The following SYT14 variants were observed in gnomAD, a reference collection of about 807,000 sequenced individuals.
SYT14 encodes the protein synaptotagmin-14.
Under a neutral mutation model 74.2 loss-of-function variants are expected in SYT14, and 32 were observed. The ratio of observed to expected loss-of-function variants is 0.43; its 90% confidence interval spans 0.33 to 0.58. The LOEUF (loss-of-function observed/expected upper bound fraction) is 0.58, where lower values mean the gene tolerates loss of function less well. SYT14 is among the 20% of genes least tolerant of loss of function. The probability of loss-of-function intolerance (pLI) is 0.05; values close to 1 mark genes in which losing one functional copy is unlikely to be tolerated. For missense variants in SYT14, 791 were observed against 981.8 expected (o/e 0.81, Z 2.60); for synonymous variants, 298 against 337.7 (o/e 0.88, Z 1.29).
intron 2 of SYT14, among the ~76,000 whole-genome samples, chr1:209,961,792 T>C (rs534687707): frequency 1.3e-5 from 2 of 152,250 alleles, no homozygotes; most frequent in African/African-American, 4.8e-5. Context: ...ATTCTTTCAG[T>C]GGTTTGACAC....
chr1:210,150,730 C>T (rs1180006813), intron 7 of SYT14, among the ~76,000 whole-genome samples: 1 of 152,098 alleles, frequency 6.6e-6, no homozygotes, highest in Non-Finnish European at 1.5e-5. Context: ...TGCACAGACA[C>T]TATTCAATAG....
intron 2 of SYT14, among the ~76,000 whole-genome samples, chr1:209,996,046 A>G (rs993112329): frequency 6.6e-6 from 1 of 152,134 alleles, no homozygotes; most frequent in Non-Finnish European, 1.5e-5. Context: ...CAAATGAGCA[A>G]TCTACCCTTG....
chr1:210,006,705 G>A (rs1422799464), intron 2 of SYT14, among the ~76,000 whole-genome samples: 1 of 151,540 alleles, frequency 6.6e-6, no homozygotes, highest in Non-Finnish European at 1.5e-5. Context: ...TAAAGCATAG[G>A]TACTTTTTGT....
chr1:210,035,093 A>G (rs1360410496), intron 5 of SYT14, among the ~76,000 whole-genome samples: 1 of 151,874 alleles, frequency 6.6e-6, no homozygotes, highest in African/African-American at 2.4e-5. Context: ...ATTCTCACCA[A>G]CAGTATATAA....
At chr1:210,015,242 T>G (rs190181567) in intron 3 of SYT14, among the ~76,000 whole-genome samples, 2 of 152,272 alleles carry the variant, frequency 1.3e-5, no homozygotes, top group East Asian at 3.9e-4. Context: ...ATGTAGCCTC[T>G]GGATAACTCC....
At chr1:210,094,365 A>G (rs767761426) in exon 6 of SYT14, 9 of 1,613,962 alleles carry the variant, frequency 5.6e-6, no homozygotes, top group Non-Finnish European at 5.9e-6. Context: ...CGCTGGATGA[A>G]TTGCAGCCAC....
chr1:210,079,584 A>G (rs2081581833), intron 5 of SYT14, among the ~76,000 whole-genome samples: 1 of 152,176 alleles, frequency 6.6e-6, no homozygotes, highest in Non-Finnish European at 1.5e-5. Context: ...TTTTGTTTAA[A>G]ATTAGAGGAC....
At chr1:210,051,272 A>G (rs1368385847) in intron 5 of SYT14, among the ~76,000 whole-genome samples, 2 of 152,190 alleles carry the variant, frequency 1.3e-5, no homozygotes, top group African/African-American at 2.4e-5. Context: ...TGGTTGCGTA[A>G]TGTTTGTCCT....
intron 7 of SYT14, among the ~76,000 whole-genome samples, chr1:210,114,780 G>C (rs1310243707): frequency 6.6e-6 from 1 of 151,154 alleles, no homozygotes; most frequent in Admixed American, 6.6e-5. Flanking sequence ...CTGTAAACTG[G>C]ACCAGGTGTG....
intron 7 of SYT14, among the ~76,000 whole-genome samples, chr1:210,112,175 C>G (rs1282973181): frequency 6.6e-6 from 1 of 151,282 alleles, no homozygotes; most frequent in Non-Finnish European, 1.5e-5. Context: ...AGTGTCTACC[C>G]AGACCAAGTG....
At chr1:209,955,770 A>G (rs1440360369) in intron 2 of SYT14, among the ~76,000 whole-genome samples, 3 of 152,192 alleles carry the variant, frequency 2.0e-5, no homozygotes, top group Admixed American at 6.5e-5. Flanking sequence ...TCATCAGTTC[A>G]AAAGTCTCAT....
intron 5 of SYT14, among the ~76,000 whole-genome samples, chr1:210,057,402 A>G (rs1422463060): frequency 6.6e-6 from 1 of 151,892 alleles, no homozygotes; most frequent in Non-Finnish European, 1.5e-5. Flanking sequence ...GTTAAGGCCA[A>G]CTCCTGCCAT....
chr1:210,083,249 C>G (rs972865959), intron 5 of SYT14, among the ~76,000 whole-genome samples: 1 of 152,164 alleles, frequency 6.6e-6, no homozygotes, highest in Non-Finnish European at 1.5e-5. Flanking sequence ...ACCTCGGCCT[C>G]CCAGAGAGCT....
intron 5 of SYT14, among the ~76,000 whole-genome samples, chr1:210,059,427 A>AAT (rs374307953): frequency 0.068 from 5,458 of 79,682 alleles, 270 homozygotes; most frequent in Non-Finnish European, 0.075. Flanking sequence ...GACAAGAAAG[A>AAT]ATATATATAT....
chr1:209,963,256 A>T (rs2079104679), intron 2 of SYT14, among the ~76,000 whole-genome samples: 1 of 152,096 alleles, frequency 6.6e-6, no homozygotes, highest in South Asian at 2.1e-4. Flanking sequence ...ATAGAGATGG[A>T]TTGCTGAGAT....
At chr1:210,079,087 A>G (rs1367557063) in intron 5 of SYT14, among the ~76,000 whole-genome samples, 2 of 151,736 alleles carry the variant, frequency 1.3e-5, no homozygotes, top group East Asian at 1.9e-4. Flanking sequence ...TATTGTAACA[A>G]TTTTTTAATC....
chr1:210,013,682 C>T, exon 3 of SYT14: 4 of 1,612,828 alleles, frequency 2.5e-6, no homozygotes, highest in Non-Finnish European at 3.4e-6. Context: ...TGTTTATTAT[C>T]TTGATGCTGC....
intron 2 of SYT14, among the ~76,000 whole-genome samples, chr1:210,000,759 G>A (rs1055506943): frequency 2.0e-5 from 3 of 151,482 alleles, no homozygotes; most frequent in East Asian, 1.9e-4. Flanking sequence ...GATTAGAGGC[G>A]CCTGCCACCG....
At chr1:210,072,151 A>ATATAT (rs3031262) in intron 5 of SYT14, among the ~76,000 whole-genome samples, 1 of 147,816 alleles carries the variant, frequency 6.8e-6, no homozygotes, top group Non-Finnish European at 1.5e-5. Context: ...ATATATATAT[A>ATATAT]CTATTTTTTA....
Sources: allele counts gnomAD v4.1 joint callset (sites outside exome capture counted in the v4.1 genomes callset), GRCh38; gene constraint gnomAD v4.1.1; transcripts MANE v1.5; gene names NCBI Gene and HGNC (gene_info 2026-07-23, HGNC 2026-07-21).